Variants in PHEX observed in about 807,000 individuals in gnomAD.
The protein encoded by PHEX is phosphate-regulating neutral endopeptidase PHEX.
Under a neutral mutation model 68.0 loss-of-function variants are expected in PHEX, and 16 were observed. That is an observed-to-expected ratio of 0.24 (90% CI 0.16 to 0.36). The LOEUF is 0.36. Ranked by LOEUF, PHEX falls within the 10% of genes least tolerant of loss-of-function variation. PHEX has a pLI of 1.00. For missense variants in PHEX, 480 were observed against 575.5 expected, an observed-to-expected ratio of 0.83 and a Z score of 1.70; for synonymous variants, 208 against 205.1, an observed-to-expected ratio of 1.01 and a Z score of -0.12.
chrX:22,233,938 A>G (rs1382612460), intron 20 of PHEX, among the ~76,000 whole-genome samples: 1 of 111,851 alleles, frequency 8.9e-6, no homozygotes, highest in Non-Finnish European at 1.9e-5. Flanking sequence ...GTTTCTCCCC[A>G]TCTTTGTGGA....
intron 13 of PHEX, among the ~76,000 whole-genome samples, chrX:22,176,396 AAAAAAAATATATATAT>A (rs1439731646): frequency 7.6e-5 from 6 of 79,120 alleles, no homozygotes; most frequent in African/African-American, 4.5e-4. Context: ...AAAAAAAAAA[AAAAAAAATATATATAT>A]ATATATATAT....
chrX:22,228,187 G>A (rs1602413550), intron 20 of PHEX, among the ~76,000 whole-genome samples: 2 of 112,255 alleles, frequency 1.8e-5, no homozygotes, highest in South Asian at 3.7e-4. Flanking sequence ...GCACAGTTCC[G>A]AGCCTGAGTC....
chrX:22,138,251 C>T (rs956703702), intron 12 of PHEX, among the ~76,000 whole-genome samples: 1 of 112,645 alleles, frequency 8.9e-6, no homozygotes, highest in African/African-American at 3.2e-5. Flanking sequence ...CACATTTCAC[C>T]GAGTCTGGTT....
intron 12 of PHEX, among the ~76,000 whole-genome samples, chrX:22,140,620 C>A (rs1932416065): frequency 9.1e-6 from 1 of 109,858 alleles, no homozygotes; most frequent in African/African-American, 3.3e-5. Flanking sequence ...TAGCTGGGAC[C>A]ACAGGCATGC....
intron 12 of PHEX, among the ~76,000 whole-genome samples, chrX:22,160,142 A>AG (rs1322712706): frequency 8.9e-6 from 1 of 112,227 alleles, no homozygotes; most frequent in Non-Finnish European, 1.9e-5. Flanking sequence ...TAATTTATAA[A>AG]GAAAGAGGTT....
At chrX:22,036,133 C>T (rs1298428864) in intron 1 of PHEX, among the ~76,000 whole-genome samples, 4 of 98,041 alleles carry the variant, frequency 4.1e-5, no homozygotes, top group Non-Finnish European at 8.0e-5. Context: ...GATCTTGGCT[C>T]GCTACAACCT....
At chrX:22,208,143 T>C (rs1217854635) in intron 15 of PHEX, among the ~76,000 whole-genome samples, 2 of 102,226 alleles carry the variant, frequency 2.0e-5, no homozygotes, top group African/African-American at 7.3e-5. Context: ...AGGTAAAACA[T>C]TACGTTTATG....
intron 16 of PHEX, among the ~76,000 whole-genome samples, chrX:22,213,988 A>T (rs748397175): frequency 1.6e-4 from 18 of 112,131 alleles, no homozygotes; most frequent in Non-Finnish European, 3.2e-4. Flanking sequence ...AGCCAAATGA[A>T]TTATGTCCTG....
At chrX:22,181,877 C>T (rs1160083259) in intron 14 of PHEX, among the ~76,000 whole-genome samples, 6 of 111,833 alleles carry the variant, frequency 5.4e-5, no homozygotes, top group East Asian at 2.8e-4. Context: ...TTTTACAGAT[C>T]GCTTTCTCTT....
At chrX:22,166,719 A>C (rs757088418) in intron 12 of PHEX, among the ~76,000 whole-genome samples, 22 of 111,137 alleles carry the variant, frequency 2.0e-4, no homozygotes, top group Non-Finnish European at 3.0e-4. Context: ...TGTACAATAC[A>C]TCTCCTAAAC....
At chrX:22,227,654 C>CTTGAG in intron 20 of PHEX, 43 bp downstream of exon 20, 1 of 875,666 alleles carries the variant, frequency 1.1e-6, no homozygotes, top group Non-Finnish European at 1.7e-6. Context: ...AGATGCAGGA[C>CTTGAG]TTGAGTTTGC....
At chrX:22,190,527 T>C (rs757821460) in intron 15 of PHEX, 25 bp downstream of exon 15, 1 of 999,652 alleles carries the variant, frequency 1.0e-6, no homozygotes, top group South Asian at 1.9e-5. Context: ...CTTGTCTCCT[T>C]GGTAACCTGG....
intron 15 of PHEX, among the ~76,000 whole-genome samples, chrX:22,210,559 T>C (rs1415099021): frequency 2.7e-5 from 3 of 111,949 alleles, no homozygotes; most frequent in Non-Finnish European, 5.6e-5. Context: ...GATTTGCATT[T>C]ATTTGTAATA....
At chrX:22,071,535 A>G (rs754384192) in intron 3 of PHEX, among the ~76,000 whole-genome samples, 9 of 111,938 alleles carry the variant, frequency 8.0e-5, no homozygotes, top group Non-Finnish European at 1.7e-4. Flanking sequence ...GTGTTCAAAG[A>G]TGAATGTGAC....
chrX:22,088,748 G>A (rs1278238421), intron 5 of PHEX, among the ~76,000 whole-genome samples: 4 of 110,937 alleles, frequency 3.6e-5, no homozygotes, highest in African/African-American at 1.3e-4. Context: ...CCCATTCTGT[G>A]GCTTGTCTTT....
At chrX:22,180,282 T>C (rs1470043261) in intron 14 of PHEX, among the ~76,000 whole-genome samples, 2 of 111,182 alleles carry the variant, frequency 1.8e-5, no homozygotes, top group Non-Finnish European at 3.8e-5. Context: ...TTATAGCCAG[T>C]TCTCAGTCCA....
intron 12 of PHEX, among the ~76,000 whole-genome samples, chrX:22,143,121 AT>A (rs964319143): frequency 4.4e-4 from 49 of 111,553 alleles, no homozygotes; most frequent in Non-Finnish European, 5.5e-4. Context: ...ATCCTTAAAC[AT>A]TTTTTTTAAT....
intron 3 of PHEX, among the ~76,000 whole-genome samples, chrX:22,058,548 T>G (rs1292051961): frequency 1.8e-5 from 2 of 111,958 alleles, no homozygotes; most frequent in African/African-American, 6.5e-5. Flanking sequence ...GAGGCAAGGC[T>G]GGAGATAAAA....
chrX:22,044,879 TAA>T lies in PHEX; in HGVS notation c.188-2170_188-2169del, dbSNP rs1244125082. Among the ~76,000 whole-genome samples, 151 of 110,723 alleles carry T rather than the reference TAA, an allele frequency of 1.4e-3. 1 individual carries two copies. Among genetic ancestry groups the T allele is most frequent in the African/African-American group, 4.6e-3 (140 of 30,537 alleles). On this transcript the variant is annotated intron_variant, in intron 2 of 21. Transcript: ENST00000379374. ...ATTTTTATTTATTTTTTTATTTTTT[TAA>T]GAGACGGGGTTTTGCCATGTTGCCC... is the stretch of plus-strand genomic sequence containing the variant.
Sources: gnomAD v4.1 joint callset for allele counts (sites outside exome capture counted in the v4.1 genomes callset) on GRCh38, gnomAD v4.1.1 for gene constraint, MANE v1.5 for transcripts, NCBI Gene and HGNC (gene_info 2026-07-23, HGNC 2026-07-21) for gene names.